ERI3: variants seen among roughly 807,000 people sequenced by gnomAD.
The protein encoded by ERI3 is ERI1 exoribonuclease family member 3.
Under a neutral mutation model 44.4 loss-of-function variants are expected in ERI3, and 18 were observed. The observed-to-expected ratio is 0.41, with a 90% CI of 0.28 to 0.60. ERI3 has a LOEUF of 0.60. ERI3 is among the 20% of genes least tolerant of loss of function. The pLI, the probability that ERI3 is intolerant of heterozygous loss-of-function variation, is 0.36. For synonymous variants in ERI3, 183 were observed against 164.8 expected (o/e 1.11, Z -0.84); for missense variants, 294 against 435.5 (o/e 0.68, Z 2.89).
At chr1:44,338,430 T>C (rs1646578964) in intron 3 of ERI3, among the ~76,000 whole-genome samples, 1 of 152,226 alleles carries the variant, frequency 6.6e-6, no homozygotes, top group Non-Finnish European at 1.5e-5. Context: ...AGTTGGGCAC[T>C]GGATTTTGGC....
intron 2 of ERI3, among the ~76,000 whole-genome samples, chr1:44,351,944 C>T (rs1646899518): frequency 6.6e-6 from 1 of 152,106 alleles, no homozygotes; most frequent in Non-Finnish European, 1.5e-5. Context: ...AGAGACCTTT[C>T]TGAGTATTCC....
In ERI3 at chr1:44,284,876, G is replaced by A. The variant is rs1233655718; in HGVS notation, c.790C>T (p.Pro264Ser). The A allele has an allele frequency of 6.2e-7, 1 of 1,614,062 alleles. No homozygotes were observed. The change falls in exon 7 of 9, where the codon CCA (proline) becomes TCA (serine). Residue 264 changes from proline to serine, a missense_variant. Around this residue, in one of 2 missense-constraint regions of ERI3, gnomAD observed 187 missense variants for 338.6 expected, o/e 0.55. Coordinates refer to ENST00000372257, the MANE Select transcript of ERI3 (RefSeq NM_024066.3). ...LPGQCQYLGL[P>S]VADYFKQWIN... ...CACTGCTTGAAGTAATCCGCCACTGGCAAGCCCAAGTACTGGCACTGGCCT... is the reference window on the plus strand; with the variant it reads ...CACTGCTTGAAGTAATCCGCCACTGACAAGCCCAAGTACTGGCACTGGCCT...
Position 44,259,908 on chromosome 1 carries a change from T to TAGAC in ERI3, c.832-11871_832-11870insGTCT, listed in dbSNP as rs1327641717. Among the ~76,000 whole-genome samples the TAGAC allele has an allele frequency of 7.2e-3, 1,052 of 146,438 alleles. 13 individuals carry two copies. Among genetic ancestry groups the TAGAC allele is most frequent in the African/African-American group, 0.027 (987 of 36,990 alleles). ...ATAGATAGATAGATAGATAGATAGA[T>TAGAC]AGATAGATAGATAGACAGACAGACA... is the stretch of plus-strand genomic sequence containing the variant. On this transcript the variant is annotated intron_variant, in intron 7 of 8. Transcript: ENST00000372257.
rs367944765 is a variant in ERI3 at position 44,352,923 on chromosome 1, A to G, written c.138T>C (p.His46=). The part of the protein sequence containing the change: ...MGPSWGQHPG[H]WGFPALTEPS... ...GTTCTGTGAGAGCTGGAAAGCCCCA[A>G]TGCTGTGGATAAATACACATCTCTG... Residue 46 remains histidine, a splice_region_variant and synonymous_variant, in exon 2 of 9, where the codon CAT becomes CAC. Transcript: ENST00000372257. The G allele has an allele frequency of 4.0e-5, 64 of 1,614,186 alleles. No homozygotes were observed. Among genetic ancestry groups the G allele is most frequent in the Non-Finnish European group, 5.0e-5 (59 of 1,180,028 alleles).
rs74070453 is a variant in ERI3, at chr1:44,228,911, C to T, written c.932-7271G>A. On this transcript the variant is annotated intron_variant, in intron 8 of 8. Coordinates refer to ENST00000372257, the MANE Select transcript of ERI3 (RefSeq NM_024066.3). The surrounding 1 kb of genome is among the most constrained non-coding windows in gnomAD (Gnocchi z 4.3). Reference sequence around the variant, plus strand: ...ACAAACCCTTATCCAGACTCCCAGGCCTGGCAGGACATGTCAACGTCATTC... The same window carrying T: ...ACAAACCCTTATCCAGACTCCCAGGTCTGGCAGGACATGTCAACGTCATTC... 4.8e-3 allele frequency among the ~76,000 whole-genome samples: 728 copies of T among 152,344 alleles called. 8 individuals carry two copies. The highest frequency in any genetic ancestry group is 0.017 in the African/African-American group (708 of 41,576).
rs1033788532 is a variant in ERI3 at position 44,221,138 on chromosome 1, G to A, written c.*420C>T. On this transcript the variant is annotated 3_prime_UTR_variant, in exon 9 of 9. Coordinates refer to ENST00000372257, the MANE Select transcript of ERI3 (RefSeq NM_024066.3). This position sits in a 1 kb window ranked among gnomAD's most constrained non-coding sequence, Gnocchi z 5.9. ...TCAGTGGCACGTTCACAGCGGGGAT[G>A]GGGGTAGACACAAGGTGGGGCCTGA... The A allele has an allele frequency of 1.1e-5, 3 of 271,966 alleles. No individual in the cohort carries two copies. In the Admixed American group the frequency reaches 1.5e-4, roughly 13 times the overall value. The allele number at this position is 271,966 out of a possible 1,614,324, so 16.8% of individuals were successfully genotyped here.
At chr1:44,308,003 A>G (rs1008838513) in intron 6 of ERI3, among the ~76,000 whole-genome samples, 1 of 152,136 alleles carries the variant, frequency 6.6e-6, no homozygotes, top group Non-Finnish European at 1.5e-5. Flanking sequence ...TTTTTCCAAG[A>G]CACTCTTTTA....
chr1:44,353,332 G>C, intron 1 of ERI3: 2 of 985,412 alleles, frequency 2.0e-6, no homozygotes, highest in Non-Finnish European at 2.4e-6. Flanking sequence ...AAGCCATACT[G>C]AAAATGGCCA....
intron 7 of ERI3, among the ~76,000 whole-genome samples, chr1:44,277,012 C>T (rs142413263): frequency 6.6e-6 from 1 of 152,364 alleles, no homozygotes; most frequent in African/African-American, 2.4e-5. Flanking sequence ...CTTCTCAAGT[C>T]AGCTCACACA....
intron 6 of ERI3, among the ~76,000 whole-genome samples, chr1:44,298,244 C>T (rs1248458305): frequency 6.6e-6 from 1 of 152,180 alleles, no homozygotes; most frequent in African/African-American, 2.4e-5. Context: ...TGAGTCAATA[C>T]AGCTCAAAGG....
intron 7 of ERI3, among the ~76,000 whole-genome samples, chr1:44,267,210 G>A (rs1217331456): frequency 6.6e-6 from 1 of 152,174 alleles, no homozygotes; most frequent in African/African-American, 2.4e-5. Context: ...TAGGTAAGGT[G>A]GAAACATAAG....
At chr1:44,238,328 C>G (rs1222006775) in intron 8 of ERI3, among the ~76,000 whole-genome samples, 1 of 152,090 alleles carries the variant, frequency 6.6e-6, no homozygotes, top group East Asian at 1.9e-4. Flanking sequence ...GGGCTCCCCC[C>G]TGCGGCAGCT....
intron 2 of ERI3, among the ~76,000 whole-genome samples, chr1:44,346,772 C>A (rs146623260): frequency 3.3e-3 from 503 of 152,206 alleles, no homozygotes; most frequent in Non-Finnish European, 5.2e-3. Flanking sequence ...GGTTCAAATC[C>A]TGACTCTACT....
intron 2 of ERI3, among the ~76,000 whole-genome samples, chr1:44,347,436 C>A (rs1359747813): frequency 2.0e-5 from 3 of 152,196 alleles, no homozygotes; most frequent in Non-Finnish European, 4.4e-5. Context: ...ATAACCAATT[C>A]TTACTCAAGT....
At chr1:44,306,751 G>A (rs1243912694) in intron 6 of ERI3, among the ~76,000 whole-genome samples, 5 of 152,222 alleles carry the variant, frequency 3.3e-5, no homozygotes, top group Non-Finnish European at 7.3e-5. Flanking sequence ...AGGTGAAGAC[G>A]CCAAAGAGAG....
rs1300193007 is a variant in ERI3, at chr1:44,235,506, T to C, written c.931+12433A>G. 1.3e-5 allele frequency among the ~76,000 whole-genome samples: 2 copies of C among 152,134 alleles called. No individual in the cohort carries two copies. Among genetic ancestry groups the C allele is most frequent in the Non-Finnish European group, 1.5e-5 (1 of 68,034 alleles). ...ATGAACTCTTTGAGGGCACAGGTGT[T>C]ATCCACAGAGACACTCAAGAAATAC... is the stretch of plus-strand genomic sequence containing the variant. On this transcript the variant is annotated intron_variant, in intron 8 of 8. Transcript: ENST00000372257. This position sits in a 1 kb window ranked among gnomAD's most constrained non-coding sequence, Gnocchi z 4.6.
intron 7 of ERI3, chr1:44,283,966 A>T (rs957199297): frequency 1.1e-5 from 5 of 469,284 alleles, no homozygotes; most frequent in Admixed American, 7.1e-5. Flanking sequence ...CTCTTCTCTA[A>T]GCCCCCTGGG....
chr1:44,343,236 C>T (rs4660273), intron 2 of ERI3, among the ~76,000 whole-genome samples: 7,164 of 152,022 alleles, frequency 0.047, 190 homozygotes, highest in African/African-American at 0.065. Flanking sequence ...GAATAGAAAA[C>T]CATGAGTCCA....
intron 7 of ERI3, among the ~76,000 whole-genome samples, chr1:44,280,145 C>T (rs377742598): frequency 3.7e-4 from 56 of 152,172 alleles, no homozygotes; most frequent in African/African-American, 1.2e-3. Context: ...AAGCAAACTT[C>T]GGGGTTTTAC....
Sources: allele counts gnomAD v4.1 joint callset (sites outside exome capture counted in the v4.1 genomes callset), GRCh38; gene constraint gnomAD v4.1.1; regional missense constraint gnomAD v4.1.1; non-coding constraint Gnocchi (gnomAD v3.1); transcripts MANE v1.5; gene names NCBI Gene and HGNC (gene_info 2026-07-23, HGNC 2026-07-21).